DNAH11: variants seen among roughly 807,000 people sequenced by gnomAD.
DNAH11 encodes the protein axonemal beta dynein heavy chain 11.
DNAH11 carries 442 observed loss-of-function variants against 526.0 expected under a neutral mutation model. The ratio of observed to expected loss-of-function variants is 0.84; its 90% CI spans 0.78 to 0.91. The LOEUF is 0.91. Ranked by LOEUF, DNAH11 falls within the 40% of genes least tolerant of loss-of-function variation. The probability of loss-of-function intolerance (pLI) is 0.00; values close to 1 mark genes in which losing one functional copy is unlikely to be tolerated. For missense variants in DNAH11, 6,989 were observed against 5,448.7 expected (o/e 1.28, Z -8.90); for synonymous variants, 2,461 against 1,935.9 (o/e 1.27, Z -7.12).
rs573287726 is a variant in DNAH11 at position 21,578,310 on chromosome 7, C to T, written c.1594-3595C>T. ...TGGCCAAAACAAAGGGGCTACAGGC[C>T]CTGTGCAAGTGTGAAACCCACCAAG... On this transcript the variant is annotated intron_variant, in intron 8 of 81. Transcript: ENST00000409508. Among the ~76,000 whole-genome samples the T allele has an allele frequency of 2.8e-4, 43 of 152,304 alleles. No individual in the cohort carries two copies. In the South Asian group the frequency reaches 8.7e-3, roughly 31 times the overall value.
At chr7:21,894,027 T>G (rs1039096660) in intron 77 of DNAH11, among the ~76,000 whole-genome samples, 1 of 152,190 alleles carries the variant, frequency 6.6e-6, no homozygotes, top group African/African-American at 2.4e-5. Flanking sequence ...TAGCTGGGAT[T>G]ACAGACATGC....
chr7:21,581,274 G>A (rs1365547234), intron 8 of DNAH11, among the ~76,000 whole-genome samples: 1 of 152,146 alleles, frequency 6.6e-6, no homozygotes, highest in African/African-American at 2.4e-5. Context: ...TTCTTTCACC[G>A]TTTCATTGTA....
Position 21,725,925 on chromosome 7 carries a change from T to A in DNAH11, c.7381T>A (p.Leu2461Ile). The change falls in exon 45 of 82, where the codon TTA becomes ATA. Residue 2461 changes from leucine (L) to isoleucine (I), a missense_variant. Transcript: ENST00000409508. The stretch of plus-strand genomic sequence containing the variant: ...TTATGTGGACCACAAAACTAAGAAA[T>A]TATTGCCCTGGGCTGACAAAATTGC... ...DYYVDHKTKK[L>I]LPWADKIAQF... 1 of 1,573,490 alleles carries A rather than the reference T, an allele frequency of 6.4e-7. No individual in the cohort carries two copies. Among genetic ancestry groups the A allele is most frequent in the Non-Finnish European group, 8.6e-7 (1 of 1,158,260 alleles).
chr7:21,726,894 A>G (rs1200985348), intron 45 of DNAH11, among the ~76,000 whole-genome samples: 1 of 127,190 alleles, frequency 7.9e-6, no homozygotes, highest in African/African-American at 3.0e-5. Context: ...AAAAAAAAGA[A>G]TGCTTAGTGA....
At chr7:21,570,512 T>G (rs1407169736) in intron 7 of DNAH11, 2 of 439,690 alleles carry the variant, frequency 4.5e-6, no homozygotes, top group Non-Finnish European at 8.0e-6. Context: ...TCATTTTTGA[T>G]TCCATTATTA....
intron 62 of DNAH11, among the ~76,000 whole-genome samples, chr7:21,803,916 G>C (rs1368342548): frequency 6.6e-6 from 1 of 151,970 alleles, no homozygotes. Flanking sequence ...TTGAAGTCTG[G>C]AAAAGTGGGG....
intron 14 of DNAH11, among the ~76,000 whole-genome samples, chr7:21,594,717 C>G (rs1024907960): frequency 6.6e-6 from 1 of 151,834 alleles, no homozygotes; most frequent in Admixed American, 6.6e-5. Flanking sequence ...TGGGCATGCT[C>G]GAGGAGGAGC....
Position 21,789,356 on chromosome 7 carries a change from A to C in DNAH11, c.10026+14A>C, listed in dbSNP as rs768160240. On this transcript the variant is annotated intron_variant, in intron 61 of 81. Coordinates refer to ENST00000409508, the MANE Select transcript of DNAH11 (RefSeq NM_001277115.2). ...AAAAAGCTTGTGGTGAGTGCAAACT[A>C]TGACATTGAAAAGGTTCCCAAGAGG... 34 of 1,547,574 alleles carry C rather than the reference A, an allele frequency of 2.2e-5. No individual in the cohort carries two copies. The highest frequency in any genetic ancestry group is 2.6e-5 in the Non-Finnish European group (30 of 1,143,624).
chr7:21,596,350 C>T (rs1275860382), intron 14 of DNAH11, among the ~76,000 whole-genome samples: 2 of 152,156 alleles, frequency 1.3e-5, no homozygotes, highest in Non-Finnish European at 2.9e-5. Flanking sequence ...CCTGGGTAGC[C>T]TGGAGAGAAT....
intron 65 of DNAH11, among the ~76,000 whole-genome samples, chr7:21,836,137 G>T (rs1303166699): frequency 1.3e-5 from 2 of 152,022 alleles, no homozygotes; most frequent in Middle Eastern, 3.2e-3. Flanking sequence ...CCTGTTCATG[G>T]ATTGAAAGAA....
chr7:21,804,618 G>A (rs1235556754), intron 62 of DNAH11, among the ~76,000 whole-genome samples: 1 of 152,018 alleles, frequency 6.6e-6, no homozygotes, highest in Non-Finnish European at 1.5e-5. Context: ...CCTTGACTCT[G>A]TGTGACATCA....
intron 61 of DNAH11, among the ~76,000 whole-genome samples, chr7:21,795,470 C>G (rs967196189): frequency 6.6e-6 from 1 of 152,188 alleles, no homozygotes; most frequent in African/African-American, 2.4e-5. Flanking sequence ...TCCTAACATG[C>G]GAACTCTCAT....
chr7:21,607,654 C>T (rs551969214), intron 20 of DNAH11, among the ~76,000 whole-genome samples: 2 of 151,894 alleles, frequency 1.3e-5, no homozygotes, highest in South Asian at 2.1e-4. Context: ...AGCTTGTGGC[C>T]GGGTACGGTG....
In DNAH11 at chr7:21,606,456, A is replaced by T; in HGVS notation, c.3679A>T (p.Lys1227Ter). ...ACCTGAAAGATGGGAAACTACCAAA[A>T]AGATCGCAGCAACTGTCAGACATGA... The part of the protein sequence containing the change: ...ELPERWETTK[K>*]IAATVRHEVS... Residue 1227 changes from lysine to a stop codon, truncating the protein, a stop_gained, in exon 19 of 82, where the codon AAG becomes TAG. Coordinates refer to ENST00000409508, the MANE Select transcript of DNAH11 (RefSeq NM_001277115.2). LOFTEE classifies it high-confidence loss of function. 6.2e-7 allele frequency: 1 copy of T among 1,606,576 alleles called. No homozygotes were observed. Among genetic ancestry groups the T allele is most frequent in the Non-Finnish European group, 8.5e-7 (1 of 1,178,126 alleles).
intron 14 of DNAH11, among the ~76,000 whole-genome samples, chr7:21,597,680 C>A (rs1257614422): frequency 6.6e-6 from 1 of 152,070 alleles, no homozygotes; most frequent in Admixed American, 6.6e-5. Flanking sequence ...GAGTCTGCCC[C>A]CATGATTCAG....
At chr7:21,688,922 C>T (rs1393620722) in intron 34 of DNAH11, among the ~76,000 whole-genome samples, 1 of 152,150 alleles carries the variant, frequency 6.6e-6, no homozygotes, top group Non-Finnish European at 1.5e-5. Context: ...CACCTGTGCC[C>T]CCTTAGTTTT....
rs886536075 is a variant in DNAH11, at chr7:21,786,711, C to G, written c.9685C>G (p.Arg3229Gly). Residue 3229 changes from arginine (R) to glycine (G), a missense_variant, in exon 59 of 82, where the codon CGG (arginine) becomes GGG (glycine). Arg to Gly is a moderately radical substitution (Grantham distance 125, BLOSUM62 -2). Transcript: ENST00000409508. ...TAAVMVLLAP[R>G]GRVPKDRSWK... ...AGCCGTGATGGTCCTTCTGGCTCCT[C>G]GGGGAAGAGTGCCCAAAGACCGAAG... 2 of 1,613,686 alleles carry G rather than the reference C, an allele frequency of 1.2e-6. No individual in the cohort carries two copies. Among genetic ancestry groups the G allele is most frequent in the East Asian group, 2.2e-5 (1 of 44,900 alleles).
chr7:21,802,837 G>C (rs755345678), intron 62 of DNAH11, among the ~76,000 whole-genome samples: 11 of 151,886 alleles, frequency 7.2e-5, no homozygotes, highest in African/African-American at 2.4e-4. Flanking sequence ...GGCTGGACAA[G>C]GGTGTGGGGT....
At chr7:21,682,993 G>A (rs1783205877) in intron 31 of DNAH11, among the ~76,000 whole-genome samples, 1 of 151,976 alleles carries the variant, frequency 6.6e-6, no homozygotes, top group Non-Finnish European at 1.5e-5. Context: ...CTTTAATATG[G>A]CCTTGTATCT....
Sources: gnomAD v4.1 joint callset for allele counts (sites outside exome capture counted in the v4.1 genomes callset) on GRCh38, gnomAD v4.1.1 for gene constraint, MANE v1.5 for transcripts, NCBI Gene and HGNC (gene_info 2026-07-23, HGNC 2026-07-21) for gene names.